Variants in SEM1 observed in about 807,000 individuals in gnomAD.
SEM1 encodes the protein 26S proteasome complex subunit SEM1.
In SEM1, 3 loss-of-function variants were observed where a neutral mutation model predicts 12.7. That is an observed-to-expected ratio of 0.24 (90% CI 0.11 to 0.61). The LOEUF (loss-of-function observed/expected upper bound fraction) is 0.61. SEM1 is among the 20% of genes least tolerant of loss of function. The probability of loss-of-function intolerance (pLI) is 0.88; values close to 1 mark genes in which losing one functional copy is unlikely to be tolerated. For missense variants in SEM1, 59 were observed against 81.3 expected (o/e 0.73, Z 1.06); for synonymous variants, 30 against 27.8 (o/e 1.08, Z -0.25).
chr7:96,571,097 G>A (rs1018136661), intron 2 of SEM1, among the ~76,000 whole-genome samples: 1 of 151,938 alleles, frequency 6.6e-6, no homozygotes, highest in Non-Finnish European at 1.5e-5. Flanking sequence ...GTAGATTTTG[G>A]ATATTAGCCC....
chr7:96,502,271 A>G (rs1803590014), intron 3 of SEM1, among the ~76,000 whole-genome samples: 1 of 152,170 alleles, frequency 6.6e-6, no homozygotes, highest in South Asian at 2.1e-4. Flanking sequence ...CCTAGGCTCT[A>G]TACCACTGTA....
chr7:96,709,665 A>C, intron 1 of SEM1, 23 bp downstream of exon 1: 1 of 1,611,614 alleles, frequency 6.2e-7, no homozygotes, highest in Non-Finnish European at 8.5e-7. Context: ...CGCGCGACAC[A>C]GAAACCGGGG....
intron 1 of SEM1, among the ~76,000 whole-genome samples, chr7:96,698,156 T>A (rs1194760283): frequency 1.3e-5 from 2 of 152,152 alleles, no homozygotes; most frequent in East Asian, 1.9e-4. Context: ...TTACATTTTT[T>A]AAAAAGGAAA....
chr7:96,642,238 TAC>T (rs1808637064), intron 2 of SEM1, among the ~76,000 whole-genome samples: 1 of 152,064 alleles, frequency 6.6e-6, no homozygotes, highest in South Asian at 2.1e-4. Flanking sequence ...ACTTGTAGAT[TAC>T]AGAGAAGAAG....
Position 96,579,038 on chromosome 7 carries a change from C to A in SEM1, c.171-72340G>T, listed in dbSNP as rs146396359. On this transcript the variant is annotated intron_variant and NMD_transcript_variant, in intron 2 of 3. Transcript: ENST00000466986. ...TAACCACACTAAAACTGTGAGAATTCGTCTCTTAAATCTTGACATATTTGT... is the reference window on the plus strand; with the variant it reads ...TAACCACACTAAAACTGTGAGAATTAGTCTCTTAAATCTTGACATATTTGT... Among the ~76,000 whole-genome samples the A allele has an allele frequency of 5.6e-4, 85 of 152,260 alleles. 1 individual carries two copies. The highest frequency in any genetic ancestry group is 2.7e-3 in the Admixed American group (41 of 15,292).
intron 2 of SEM1, among the ~76,000 whole-genome samples, chr7:96,516,573 C>T (rs1406300418): frequency 6.6e-6 from 1 of 152,152 alleles, no homozygotes; most frequent in East Asian, 1.9e-4. Context: ...ATGCAGAACA[C>T]TGACAACATC....
intron 2 of SEM1, among the ~76,000 whole-genome samples, chr7:96,506,910 C>G (rs1275540166): frequency 6.6e-6 from 1 of 151,928 alleles, no homozygotes; most frequent in Non-Finnish European, 1.5e-5. Flanking sequence ...CACACAGATG[C>G]AATTAAAACT....
chr7:96,554,652 A>T (rs1805416420), intron 2 of SEM1, among the ~76,000 whole-genome samples: 1 of 151,728 alleles, frequency 6.6e-6, no homozygotes, highest in African/African-American at 2.4e-5. Flanking sequence ...TTGGTCTAAC[A>T]TTCTCTTTTT....
intron 2 of SEM1, among the ~76,000 whole-genome samples, chr7:96,680,219 TTC>T (rs550225163): frequency 6.2e-4 from 95 of 152,186 alleles, no homozygotes; most frequent in Admixed American, 5.5e-3. Flanking sequence ...CTTTTTTAGC[TTC>T]TCTCTCTTTC....
At chr7:96,550,413 A>G (rs1009684016) in intron 2 of SEM1, among the ~76,000 whole-genome samples, 1 of 152,186 alleles carries the variant, frequency 6.6e-6, no homozygotes, top group African/African-American at 2.4e-5. Context: ...TCTGAACTGC[A>G]TTTATTATTT....
chr7:96,686,437 C>T (rs1368520863), downstream of SEM1, among the ~76,000 whole-genome samples: 3 of 152,148 alleles, frequency 2.0e-5, no homozygotes, highest in African/African-American at 4.8e-5. Context: ...AAAATCATCA[C>T]ATTAAGTGGC....
Position 96,615,239 on chromosome 7 carries a change from A to ATT in SEM1, c.170+79558_170+79559insAA, listed in dbSNP as rs1421596853. On this transcript the variant is annotated intron_variant and NMD_transcript_variant, in intron 2 of 3. Coordinates refer to the SEM1 transcript ENST00000466986. ...GGACTGTTGGGTTATTTTTTGAGTCATCTTTTTTTTTTTTTTTTTTTTTTT... is the reference window on the plus strand; with the variant it reads ...GGACTGTTGGGTTATTTTTTGAGTCATTTCTTTTTTTTTTTTTTTTTTTTTTT... Among the ~76,000 whole-genome samples the ATT allele has an allele frequency of 1.5e-4, 15 of 98,180 alleles. 2 individuals carry two copies. Among genetic ancestry groups the ATT allele is most frequent in the Non-Finnish European group, 1.2e-4 (6 of 51,926 alleles). 64.4% of individuals were successfully genotyped at this position (98,180 alleles called of 152,430 possible).
At position 96,520,015 on chromosome 7, in the gene SEM1, G is replaced by T. The variant is rs183575803; in HGVS notation, c.171-13317C>A. On this transcript the variant is annotated intron_variant and NMD_transcript_variant, in intron 2 of 3. Coordinates refer to the SEM1 transcript ENST00000466986. Reference sequence around the variant, plus strand: ...AACCCACTTCAGTCCAAAATGGTCTGCCAAGAAGATCCTGCTGGGAAATAT... The same window carrying T: ...AACCCACTTCAGTCCAAAATGGTCTTCCAAGAAGATCCTGCTGGGAAATAT... Among the ~76,000 whole-genome samples the T allele has an allele frequency of 3.7e-3, 563 of 152,192 alleles. 2 individuals are homozygous for T. The highest frequency in any genetic ancestry group is 0.013 in the African/African-American group (541 of 41,526).
chr7:96,541,092 G>T (rs1455646735), intron 2 of SEM1, among the ~76,000 whole-genome samples: 3 of 151,790 alleles, frequency 2.0e-5, no homozygotes, highest in Non-Finnish European at 4.4e-5. Flanking sequence ...TTTCCTTTGG[G>T]TACATATTCA....
intron 2 of SEM1, among the ~76,000 whole-genome samples, chr7:96,678,534 C>G (rs1349123949): frequency 6.6e-6 from 1 of 152,172 alleles, no homozygotes; most frequent in Non-Finnish European, 1.5e-5. Context: ...AGAAAGGCAG[C>G]AGAATCAAGT....
intron 3 of SEM1, chr7:96,503,554 A>G (rs1044501357): frequency 1.3e-5 from 2 of 152,154 alleles, no homozygotes; most frequent in Non-Finnish European, 2.9e-5. Context: ...AATCATTGAG[A>G]GAAGCTAATC....
intron 2 of SEM1, among the ~76,000 whole-genome samples, chr7:96,578,839 C>T (rs933829869): frequency 1.3e-4 from 20 of 152,168 alleles, no homozygotes; most frequent in Non-Finnish European, 2.6e-4. Flanking sequence ...AGTACAGATG[C>T]CCACCCAGCC....
At chr7:96,578,070 G>A (rs1806264618) in intron 2 of SEM1, among the ~76,000 whole-genome samples, 1 of 151,960 alleles carries the variant, frequency 6.6e-6, no homozygotes, top group South Asian at 2.1e-4. Context: ...AAACTCAATG[G>A]ACTAAACAGT....
intron 2 of SEM1, among the ~76,000 whole-genome samples, chr7:96,601,161 A>T (rs1807186554): frequency 1.3e-5 from 2 of 152,328 alleles, no homozygotes; most frequent in Admixed American, 6.5e-5. Flanking sequence ...TTAAAAATCC[A>T]TTCAACAATT....
Sources: gnomAD v4.1 joint callset for allele counts (sites outside exome capture counted in the v4.1 genomes callset) on GRCh38, gnomAD v4.1.1 for gene constraint, MANE v1.5 for transcripts, NCBI Gene and HGNC (gene_info 2026-07-23, HGNC 2026-07-21) for gene names.